ETFB: variants seen among roughly 807,000 people sequenced by gnomAD.
ETFB encodes the protein electron transfer flavoprotein subunit beta.
Under a neutral mutation model 25.6 loss-of-function variants are expected in ETFB, and 20 were observed. The observed-to-expected ratio is 0.78, with a 90% CI of 0.55 to 1.14. The LOEUF (loss-of-function observed/expected upper bound fraction) is 1.14. ETFB is among the 50% of genes most tolerant of loss of function. ETFB has a pLI of 0.00. For missense variants in ETFB, 286 were observed against 342.6 expected (o/e 0.83, Z 1.30); for synonymous variants, 142 against 146.7 (o/e 0.97, Z 0.23).
Position 51,345,187 on chromosome 19 carries a change from T to A in ETFB, c.*24A>T, listed in dbSNP as rs1985737219. 6.2e-7 allele frequency: 1 copy of A among 1,612,922 alleles called. No homozygotes were observed. Among genetic ancestry groups the A allele is most frequent in the African/African-American group, 1.3e-5 (1 of 74,902 alleles). On this transcript the variant is annotated 3_prime_UTR_variant, in exon 6 of 6. Coordinates refer to ENST00000309244, the MANE Select transcript of ETFB (RefSeq NM_001985.3). ...ACAGAGATAGATGTTGAGAGTCAGT[T>A]TTATTGCCATCTCTGGGAGGGGCTC...
At chr19:51,348,263 A>T (rs1475367931) in intron 4 of ETFB, 1 of 152,128 alleles carries the variant, frequency 6.6e-6, no homozygotes, top group Non-Finnish European at 1.5e-5. Context: ...TAAAAATACA[A>T]AAATTATCCA....
chr19:51,349,745 T>C (rs1238516809), intron 4 of ETFB, among the ~76,000 whole-genome samples: 4 of 151,552 alleles, frequency 2.6e-5, no homozygotes, highest in Non-Finnish European at 5.9e-5. Flanking sequence ...GTGCCAAGCC[T>C]GCATTTCTTT....
At chr19:51,364,823 C>T (rs775569833) in intron 1 of ETFB, among the ~76,000 whole-genome samples, 2 of 152,202 alleles carry the variant, frequency 1.3e-5, no homozygotes, top group African/African-American at 2.4e-5. Context: ...GGGTTTCGAT[C>T]GTAACTCTGC....
intron 5 of ETFB, 85 bp from the exon 6 acceptor site, chr19:51,345,466 C>T (rs1470814299): frequency 2.5e-5 from 34 of 1,366,756 alleles, no homozygotes; most frequent in Non-Finnish European, 3.5e-5. Flanking sequence ...GCCAGGCCTG[C>T]AGACCAGTCC....
chr19:51,364,673 T>C (rs1466442906), intron 1 of ETFB, among the ~76,000 whole-genome samples: 1 of 152,134 alleles, frequency 6.6e-6, no homozygotes, highest in African/African-American at 2.4e-5. Flanking sequence ...GGAAACCAAG[T>C]GTTGGGTCCC....
chr19:51,347,148 T>C lies in ETFB; in HGVS notation c.439-90A>G, dbSNP rs8112687. ...CTTATGCCACTACTGAGTACACGCA[T>C]GGACTAGTGAATGAATGAGGGAGCG... is the stretch of plus-strand genomic sequence containing the variant. On this transcript the variant is annotated intron_variant, in intron 4 of 5. Coordinates refer to ENST00000309244, the MANE Select transcript of ETFB (RefSeq NM_001985.3). 0.094 allele frequency: 123,270 copies of C among 1,308,644 alleles called. 6,387 individuals are homozygous for C. Among genetic ancestry groups the C allele is most frequent in the Middle Eastern group, 0.16 (899 of 5,502 alleles). 81.1% of individuals were successfully genotyped at this position (1,308,644 alleles called of 1,614,324 possible). A position where few individuals can be genotyped will look rare whatever the true frequency, so the allele number is the denominator to read the frequency against.
At chr19:51,364,010 G>A (rs1195607472) in intron 1 of ETFB, among the ~76,000 whole-genome samples, 5 of 152,152 alleles carry the variant, frequency 3.3e-5, no homozygotes, top group Non-Finnish European at 5.9e-5. Flanking sequence ...GAGGGGCTGC[G>A]ACTCTGTCCT....
intron 1 of ETFB, among the ~76,000 whole-genome samples, chr19:51,364,575 T>G (rs11084072): frequency 0.48 from 73,422 of 151,890 alleles, 18,189 homozygotes; most frequent in Non-Finnish European, 0.52. Context: ...ATGCCAGGCG[T>G]GGAAGGCCAG....
intron 1 of ETFB, among the ~76,000 whole-genome samples, chr19:51,357,326 G>C (rs944321355): frequency 6.7e-6 from 1 of 149,918 alleles, no homozygotes; most frequent in Admixed American, 6.7e-5. Flanking sequence ...TGCTCTCCTC[G>C]GCCTCCCAAA....
chr19:51,362,416 A>G (rs769197409), intron 1 of ETFB, among the ~76,000 whole-genome samples: 1 of 151,896 alleles, frequency 6.6e-6, no homozygotes, highest in African/African-American at 2.4e-5. Context: ...CGTTTCTACT[A>G]AAAATACAAA....
intron 3 of ETFB, 22 bp downstream of exon 3, chr19:51,353,110 A>G: frequency 6.2e-7 from 1 of 1,613,626 alleles, no homozygotes; most frequent in Middle Eastern, 1.6e-4. Context: ...AAGGGGGCAC[A>G]GGGAGGGCTG....
chr19:51,353,023 G>A, intron 3 of ETFB, 109 bp downstream of exon 3: 1 of 1,346,624 alleles, frequency 7.4e-7, no homozygotes. Context: ...TCAGCCTGGA[G>A]TGGTGAATGC....
chr19:51,365,357 T>A, intron 1 of ETFB: 1 of 152,350 alleles, frequency 6.6e-6, no homozygotes. Flanking sequence ...TCCTGTACCC[T>A]CTTCCCCAGC....
At chr19:51,355,322 G>A (rs1011273870) in intron 1 of ETFB, 5 of 152,216 alleles carry the variant, frequency 3.3e-5, no homozygotes, top group African/African-American at 1.2e-4. Flanking sequence ...CATTTATGCA[G>A]CCAAAAAACA....
At position 51,353,340 on chromosome 19, in the gene ETFB, A is replaced by G. The variant is rs1264936497; in HGVS notation, c.217-50T>C. On this transcript the variant is annotated intron_variant, in intron 2 of 5. Transcript: ENST00000309244. ...TTGGCTGCTATCCTCAGGGGGACCT[A>G]GGAGTCTGGCTCGCAGCCCCTCCTT... 1.9e-6 allele frequency: 3 copies of G among 1,609,600 alleles called. No homozygotes were observed. In the Admixed American group the frequency reaches 5.0e-5, roughly 27 times the overall value.
At chr19:51,353,861 A>G (rs74176136) in intron 2 of ETFB, among the ~76,000 whole-genome samples, 36 of 7,386 alleles carry the variant, frequency 4.9e-3, no homozygotes, top group South Asian at 5.9e-3. Context: ...AGACCCAGGA[A>G]TCCAGGCCCC....
intron 1 of ETFB, among the ~76,000 whole-genome samples, chr19:51,361,945 C>T (rs1259397152): frequency 1.3e-5 from 2 of 151,932 alleles, no homozygotes; most frequent in Non-Finnish European, 2.9e-5. Context: ...CCTCGTGATC[C>T]ACCCACCTCA....
At chr19:51,365,897 A>G (rs1986350942) in intron 1 of ETFB, among the ~76,000 whole-genome samples, 1 of 152,228 alleles carries the variant, frequency 6.6e-6, no homozygotes, top group Non-Finnish European at 1.5e-5. Context: ...GAAAGCAGTC[A>G]GAGGAACCTG....
At chr19:51,362,964 T>A (rs1344611755) in intron 1 of ETFB, among the ~76,000 whole-genome samples, 4 of 152,110 alleles carry the variant, frequency 2.6e-5, no homozygotes, top group Admixed American at 6.6e-5. Context: ...TCTCAGAGGG[T>A]GCCCCTGCTC....
Sources: gnomAD v4.1 joint callset for allele counts (sites outside exome capture counted in the v4.1 genomes callset) on GRCh38, gnomAD v4.1.1 for gene constraint, MANE v1.5 for transcripts, NCBI Gene and HGNC (gene_info 2026-07-23, HGNC 2026-07-21) for gene names.